The following ECE2 variants were observed in gnomAD, a reference collection of about 807,000 sequenced individuals.
ECE2 encodes endothelin-converting enzyme 2.
In ECE2, 81 loss-of-function variants were observed where a neutral mutation model predicts 100.6. That is an observed-to-expected ratio of 0.81 (90% confidence interval 0.67 to 0.97). The LOEUF (loss-of-function observed/expected upper bound fraction) is 0.97, where lower values mean the gene tolerates loss of function less well. Among genes scored for constraint, ECE2 ranks in the 50% least tolerant of loss-of-function variants. The pLI is 0.00. For missense variants in ECE2, 911 were observed against 988.1 expected, an observed-to-expected ratio of 0.92 and a Z score of 1.05; for synonymous variants, 391 against 391.5, an observed-to-expected ratio of 1.00 and a Z score of 0.02.
intron 2 of ECE2, 139 bp from the exon 3 acceptor site, chr3:184,276,753 C>T: frequency 2.6e-6 from 4 of 1,556,010 alleles, no homozygotes; most frequent in Non-Finnish European, 2.6e-6. Context: ...ACTCAAGGCT[C>T]AACTCACTGG....
Position 184,290,257 on chromosome 3 carries a change from C to G in ECE2, c.1554C>G (p.Tyr518Ter). The G allele has an allele frequency of 6.2e-7, 1 of 1,612,964 alleles. No homozygotes were observed. Among genetic ancestry groups the G allele is most frequent in the Non-Finnish European group, 8.5e-7 (1 of 1,179,246 alleles). The change falls in exon 14 of 19, where the codon TAC becomes TAG. Residue 518 changes from tyrosine (Y) to a stop codon, truncating the protein, a stop_gained and splice_region_variant. Transcript: ENST00000404464. LOFTEE classifies it high-confidence loss of function. ...TCTACTTCCCACCTTTCCCACAGTA[C>G]GAAATTTCTGAAGATTCTTTCTTCC... is the stretch of plus-strand genomic sequence containing the variant. Reference protein sequence around the residue: ...PKELDDVYDGYEISEDSFFQN... With the variant: ...PKELDDVYDG
At chr3:184,279,333 G>T (rs1313374521) in intron 7 of ECE2, among the ~76,000 whole-genome samples, 1 of 136,106 alleles carries the variant, frequency 7.3e-6, no homozygotes, top group Non-Finnish European at 1.6e-5. Context: ...AAAAAAGAAA[G>T]AAAAAGAAAG....
chr3:184,286,655 T>C (rs1213782508), intron 10 of ECE2, among the ~76,000 whole-genome samples: 2 of 151,692 alleles, frequency 1.3e-5, no homozygotes, highest in Non-Finnish European at 2.9e-5. Flanking sequence ...ATACAAAAAA[T>C]TAGCTGGGCG....
At chr3:184,290,738 G>A in intron 15 of ECE2, 55 bp from the exon 16 acceptor site, 1 of 1,612,734 alleles carries the variant, frequency 6.2e-7, no homozygotes, top group Non-Finnish European at 8.5e-7. Flanking sequence ...AGGGCTGGAG[G>A]TGGGATTCAG....
rs990217232 is a variant in ECE2, at chr3:184,290,412, A to T, written c.1655+54A>T. 4.4e-6 allele frequency: 7 copies of T among 1,588,210 alleles called. No individual in the cohort carries two copies. In the African/African-American group the frequency reaches 9.4e-5, roughly 21 times the overall value. On this transcript the variant is annotated intron_variant, in intron 14 of 18. Coordinates refer to ENST00000404464, the MANE Select transcript of ECE2 (RefSeq NM_001100121.2). Reference sequence around the variant, plus strand: ...TAGGGGTGGCAGGAGAGGTGGGGGAAGGTTCCTGGGATGGGGGAAAAGGGT... The same window carrying T: ...TAGGGGTGGCAGGAGAGGTGGGGGATGGTTCCTGGGATGGGGGAAAAGGGT...
Position 184,285,470 on chromosome 3 carries a change from G to A in ECE2, c.1149-8G>A, listed in dbSNP as rs754907656. ...TGCCCTTTTCTTATTTTCTGGTCTG[G>A]TTGTCAGCATCCTGAACAATTACCT... is the stretch of plus-strand genomic sequence containing the variant. On this transcript the variant is annotated splice_region_variant and splice_polypyrimidine_tract_variant and intron_variant, in intron 9 of 18. Coordinates refer to ENST00000404464, the MANE Select transcript of ECE2 (RefSeq NM_001100121.2). 1 of 1,609,430 alleles carries A rather than the reference G, an allele frequency of 6.2e-7. No homozygotes were observed. Among genetic ancestry groups the A allele is most frequent in the Non-Finnish European group, 8.5e-7 (1 of 1,175,794 alleles).
chr3:184,289,578 T>C lies in ECE2; in HGVS notation c.1473+43T>C, dbSNP rs368981776. The C allele has an allele frequency of 2.5e-6, 4 of 1,613,672 alleles. No individual in the cohort carries two copies. The African/African-American group carries it at 5.3e-5, about 22-fold the overall frequency. ...TTGGGGCGCCATCTTGAGGTGGGGT[T>C]CAAGGATACAGTTTTGCTAGGAACC... is the stretch of plus-strand genomic sequence containing the variant. On this transcript the variant is annotated intron_variant, in intron 12 of 18. Transcript: ENST00000404464. This position sits in a 1 kb window ranked among gnomAD's most constrained non-coding sequence, Gnocchi z 4.1.
In ECE2 at chr3:184,291,213, C is replaced by A; in HGVS notation, c.2008C>A (p.Leu670Met). ...GGAGAACATTGCTGACAACGGGGGGCTGAAGGCTGCCTACAATGTGAGTGG... is the reference window on the plus strand; with the variant it reads ...GGAGAACATTGCTGACAACGGGGGGATGAAGGCTGCCTACAATGTGAGTGG... ...LGENIADNGG[L>M]KAAYNAYKAW... The change falls in exon 17 of 19, where the codon CTG becomes ATG. Residue 670 changes from leucine (L) to methionine (M), a missense_variant. Physicochemically the swap from Leu to Met is conservative, Grantham distance 15. Coordinates refer to ENST00000404464, the MANE Select transcript of ECE2 (RefSeq NM_001100121.2). This position sits in a 1 kb window ranked among gnomAD's most constrained non-coding sequence, Gnocchi z 4.1. 6.2e-7 allele frequency: 1 copy of A among 1,612,130 alleles called. No homozygotes were observed. Among genetic ancestry groups the A allele is most frequent in the Non-Finnish European group, 8.5e-7 (1 of 1,179,036 alleles).
chr3:184,286,733 G>A lies in ECE2; in HGVS notation c.1264-1104G>A, dbSNP rs540352706. On this transcript the variant is annotated intron_variant, in intron 10 of 18. Transcript: ENST00000404464. ...GCAGGAGAATCACTTAAACCTGGAGGTTGCAGTGACCTGAGACTGCGTCAT... is the reference window on the plus strand; with the variant it reads ...GCAGGAGAATCACTTAAACCTGGAGATTGCAGTGACCTGAGACTGCGTCAT... Among the ~76,000 whole-genome samples the A allele has an allele frequency of 1.1e-4, 17 of 149,510 alleles. No homozygotes were observed. In the South Asian group the frequency reaches 3.2e-3, roughly 28 times the overall value.
rs751904266 is a variant in ECE2, at chr3:184,290,717, G to C, written c.1766+50G>C. 5 of 1,612,750 alleles carry C rather than the reference G, an allele frequency of 3.1e-6. 1 individual carries two copies. In the South Asian group the frequency reaches 5.5e-5, roughly 18 times the overall value. ...GGTGCTGGGGCCTGGGCCTGTGGTTGAGCTGGGAGCAGGGCTGGAGGTGGG... is the reference window on the plus strand; with the variant it reads ...GGTGCTGGGGCCTGGGCCTGTGGTTCAGCTGGGAGCAGGGCTGGAGGTGGG... On this transcript the variant is annotated intron_variant, in intron 15 of 18. Coordinates refer to ENST00000404464, the MANE Select transcript of ECE2 (RefSeq NM_001100121.2).
rs372675669 is a variant in ECE2 at position 184,291,263 on chromosome 3, G to A, written c.2025+33G>A. The stretch of plus-strand genomic sequence containing the variant: ...GCCTGACCAGCCCTCCAGCGGCTGA[G>A]GCCTGCTGGCCTGGGGTGAAAGGTG... On this transcript the variant is annotated intron_variant, in intron 17 of 18. Transcript: ENST00000404464. This position sits in a 1 kb window ranked among gnomAD's most constrained non-coding sequence, Gnocchi z 4.1. The A allele has an allele frequency of 7.7e-5, 123 of 1,598,600 alleles. No individual in the cohort carries two copies. The highest frequency in any genetic ancestry group is 6.8e-5 in the Admixed American group (4 of 58,692).
intron 6 of ECE2, 26 bp downstream of exon 6, chr3:184,278,339 G>C (rs367740977): frequency 6.2e-7 from 1 of 1,610,476 alleles, no homozygotes; most frequent in Non-Finnish European, 8.5e-7. Flanking sequence ...AGGGTGGGGA[G>C]AGACTTAGGG....
chr3:184,284,883 C>T (rs759367123), intron 8 of ECE2, 80 bp from the exon 9 acceptor site: 1 of 1,538,286 alleles, frequency 6.5e-7, no homozygotes, highest in South Asian at 1.3e-5. Context: ...GGGAAGGGCT[C>T]CCAGGCTACA....
chr3:184,276,333 A>ACCC, intron 1 of ECE2, 141 bp downstream of exon 1: 2 of 1,379,466 alleles, frequency 1.4e-6, no homozygotes, highest in Non-Finnish European at 2.0e-6. Context: ...TGATAGAGAG[A>ACCC]CCCCGGGCCC....
At chr3:184,277,871 T>TC in intron 4 of ECE2, 54 bp from the exon 5 acceptor site, 1 of 1,595,258 alleles carries the variant, frequency 6.3e-7, no homozygotes, top group Non-Finnish European at 8.5e-7. Context: ...GGCCAGGGAC[T>TC]CCCCCTCAGC....
At chr3:184,284,215 A>G (rs1222131981) in intron 8 of ECE2, among the ~76,000 whole-genome samples, 1 of 152,142 alleles carries the variant, frequency 6.6e-6, no homozygotes, top group Non-Finnish European at 1.5e-5. Context: ...ATTGTGTTAA[A>G]AATGTGTAAC....
Position 184,292,125 on chromosome 3 carries a change from C to A in ECE2, c.2185C>A (p.Pro729Thr). The A allele has an allele frequency of 6.2e-7, 1 of 1,614,072 alleles. No homozygotes were observed. The highest frequency in any genetic ancestry group is 8.5e-7 in the Non-Finnish European group (1 of 1,180,030). The change falls in exon 19 of 19, where the codon CCT (proline) becomes ACT (threonine). Residue 729 changes from proline (P) to threonine (T), a missense_variant. By Grantham distance (38) the Pro-to-Thr change is conservative. Transcript: ENST00000404464. ...HEGLVTDPHS[P>T]ARFRVLGTLS... ...GGGGCTGGTGACCGACCCCCACAGC[C>A]CTGCCCGCTTCCGCGTGCTGGGCAC... is the stretch of plus-strand genomic sequence containing the variant.
intron 7 of ECE2, among the ~76,000 whole-genome samples, chr3:184,279,673 G>A (rs1016649710): frequency 8.7e-6 from 1 of 114,820 alleles, no homozygotes; most frequent in Non-Finnish European, 1.9e-5. Flanking sequence ...AAAAAAAAAA[G>A]TGTTGACGAG....
Position 184,277,289 on chromosome 3 carries a change from C to T in ECE2, c.301C>T (p.Arg101Ter), listed in dbSNP as rs563877592. The change falls in exon 4 of 19, where the codon CGA (arginine) becomes TGA (stop). Residue 101 changes from arginine (R) to a stop codon, truncating the protein, a stop_gained. Transcript: ENST00000404464. LOFTEE classifies it high-confidence loss of function. ...CACCTGCCTTACAGAGGCCTGCATT[C>T]GAGTGGCTGGAAAAATCCTGGAGTC... The part of the protein sequence containing the change: ...HSTCLTEACI[R>*]VAGKILESLD... 8.1e-6 allele frequency: 13 copies of T among 1,614,206 alleles called. No individual in the cohort carries two copies. Among genetic ancestry groups the T allele is most frequent in the African/African-American group, 6.7e-5 (5 of 75,046 alleles).
Sources: allele counts gnomAD v4.1 joint callset (sites outside exome capture counted in the v4.1 genomes callset), GRCh38; gene constraint gnomAD v4.1.1; non-coding constraint Gnocchi (gnomAD v3.1); transcripts MANE v1.5; gene names NCBI Gene and HGNC (gene_info 2026-07-23, HGNC 2026-07-21).